Variants in AAGAB observed in about 807,000 individuals in gnomAD.
The protein encoded by AAGAB is alpha- and gamma-adaptin-binding protein p34.
In AAGAB, 38 loss-of-function variants were observed where a neutral mutation model predicts 44.1. That is an observed-to-expected ratio of 0.86 (90% confidence interval 0.67 to 1.13). The LOEUF (loss-of-function observed/expected upper bound fraction) is 1.13, where lower values mean the gene tolerates loss of function less well. AAGAB is among the 50% of genes most tolerant of loss of function. The pLI is 0.00. For synonymous variants in AAGAB, 131 were observed against 131.8 expected, an observed-to-expected ratio of 0.99 and a Z score of 0.04; for missense variants, 450 against 373.8, an observed-to-expected ratio of 1.20 and a Z score of -1.68.
At chr15:67,209,719 C>T (rs181794978) in intron 5 of AAGAB, among the ~76,000 whole-genome samples, 175 bp from the exon 6 acceptor site, 4 of 152,322 alleles carry the variant, frequency 2.6e-5, no homozygotes, top group Admixed American at 6.5e-5. Flanking sequence ...GTGGCACAAT[C>T]ACAGCTCAGT....
chr15:67,236,466 C>T lies in AAGAB; in HGVS notation c.303G>A (p.Leu101=), dbSNP rs1256714736. ...TCACCTCAGGTAACCATGCTTTTGC[C>T]AGTGGAAGCCATGAGGAGACACTAT... ...GLDSVSSWLP[L]AKAWLPEVMI... Residue 101 remains leucine, a synonymous_variant, in exon 3 of 10, where the codon CTG becomes CTA. Transcript: ENST00000261880. 1.2e-6 allele frequency: 2 copies of T among 1,613,882 alleles called. No homozygotes were observed. The highest frequency in any genetic ancestry group is 1.7e-6 in the Non-Finnish European group (2 of 1,179,976).
chr15:67,241,249 C>A (rs1184390464), intron 1 of AAGAB, among the ~76,000 whole-genome samples: 1 of 152,178 alleles, frequency 6.6e-6, no homozygotes, highest in Non-Finnish European at 1.5e-5. Flanking sequence ...TAGTAGTGCA[C>A]TTAACCAATC....
chr15:67,236,973 T>C (rs1964486195), intron 1 of AAGAB, among the ~76,000 whole-genome samples, 153 bp from the exon 2 acceptor site: 1 of 152,206 alleles, frequency 6.6e-6, no homozygotes, highest in East Asian at 1.9e-4. Flanking sequence ...TTTAATCCTA[T>C]ATTCTCTGAT....
At chr15:67,215,785 A>T in intron 5 of AAGAB, among the ~76,000 whole-genome samples, 1 of 152,246 alleles carries the variant, frequency 6.6e-6, no homozygotes. Context: ...ATTACAATCC[A>T]CTTCTTGGCA....
intron 5 of AAGAB, among the ~76,000 whole-genome samples, chr15:67,231,553 A>T (rs756683672): frequency 4.6e-5 from 7 of 152,318 alleles, no homozygotes; most frequent in Non-Finnish European, 1.0e-4. Context: ...TCTACGTCTT[A>T]TAATTTTGGA....
intron 5 of AAGAB, chr15:67,221,235 A>T (rs1435578257): frequency 2.0e-5 from 3 of 152,284 alleles, no homozygotes; most frequent in African/African-American, 7.2e-5. Flanking sequence ...GAAAGCTAGT[A>T]ACAAGGTAGA....
At chr15:67,229,100 C>T (rs145169708) in intron 5 of AAGAB, among the ~76,000 whole-genome samples, 2,122 of 152,136 alleles carry the variant, frequency 0.014, 44 homozygotes, top group African/African-American at 0.049. Flanking sequence ...CACAATTTAC[C>T]CATGTAACAA....
At chr15:67,251,713 G>C (rs1381356622) in intron 1 of AAGAB, among the ~76,000 whole-genome samples, 1 of 152,142 alleles carries the variant, frequency 6.6e-6, no homozygotes, top group African/African-American at 2.4e-5. Context: ...TTCCCAAAAA[G>C]GTAGATCCAA....
Position 67,246,368 on chromosome 15 carries a change from C to T in AAGAB, c.73+8191G>A, listed in dbSNP as rs369215929. On this transcript the variant is annotated intron_variant, in intron 1 of 9. Coordinates refer to ENST00000261880, the MANE Select transcript of AAGAB (RefSeq NM_024666.5). ...GATTGCACCACTGCACTCCAGCCTG[C>T]GTGACAGAGGAAGATCCTGTCTCAA... Among the ~76,000 whole-genome samples, 17 of 139,550 alleles carry T rather than the reference C, an allele frequency of 1.2e-4. No homozygotes were observed. In the East Asian group the frequency reaches 2.3e-3, roughly 19 times the overall value. 91.6% of individuals were successfully genotyped at this position (139,550 alleles called of 152,430 possible).
chr15:67,234,129 T>C (rs1404097978), intron 4 of AAGAB, among the ~76,000 whole-genome samples: 4 of 150,580 alleles, frequency 2.7e-5, no homozygotes, highest in African/African-American at 9.8e-5. Flanking sequence ...GGCGGGCGCC[T>C]GCAGTCCCAG....
intron 5 of AAGAB, among the ~76,000 whole-genome samples, chr15:67,224,658 G>A (rs1252020515): frequency 6.8e-6 from 1 of 146,168 alleles, no homozygotes; most frequent in Non-Finnish European, 1.5e-5. Context: ...TCAGCTCACT[G>A]CAGCCTCTGC....
In AAGAB at chr15:67,236,049, A is replaced by G. The variant is rs759134982; in HGVS notation, c.381T>C (p.Ala127=). The change falls in exon 4 of 10, where the codon GCT becomes GCC. Residue 127 remains alanine (A), a synonymous_variant. Transcript: ENST00000261880. ...AGCCATGTTTGATGCACCATTCTTG[A>G]GCTTTTTGTCGGTTTATACCTAAAA... ...VSEDGINRQK[A]QEWCIKHGFE... The G allele has an allele frequency of 1.2e-6, 2 of 1,612,964 alleles. No homozygotes were observed. The highest frequency in any genetic ancestry group is 1.7e-6 in the Non-Finnish European group (2 of 1,179,342).
chr15:67,214,789 C>T (rs560058314), intron 5 of AAGAB, among the ~76,000 whole-genome samples: 10 of 151,982 alleles, frequency 6.6e-5, no homozygotes, highest in Non-Finnish European at 1.5e-4. Flanking sequence ...TCCAGGCGTC[C>T]GCCACCGCGC....
chr15:67,249,809 C>G (rs888648906), intron 1 of AAGAB, among the ~76,000 whole-genome samples: 14 of 152,334 alleles, frequency 9.2e-5, no homozygotes, highest in African/African-American at 3.4e-4. Context: ...CTGGGCAAGT[C>G]ATTTAGTATT....
At chr15:67,239,413 A>C (rs534155490) in intron 1 of AAGAB, among the ~76,000 whole-genome samples, 2 of 152,352 alleles carry the variant, frequency 1.3e-5, no homozygotes, top group South Asian at 2.1e-4. Flanking sequence ...CAAATGATTA[A>C]GACATTTACT....
At chr15:67,250,719 A>T (rs939503361) in intron 1 of AAGAB, among the ~76,000 whole-genome samples, 1 of 152,078 alleles carries the variant, frequency 6.6e-6, no homozygotes, top group Non-Finnish European at 1.5e-5. Flanking sequence ...CTGAGGCTTC[A>T]TTTCCCTTTA....
intron 9 of AAGAB, 70 bp downstream of exon 9, chr15:67,203,478 G>C: frequency 7.7e-7 from 1 of 1,293,908 alleles, no homozygotes; most frequent in South Asian, 1.3e-5. Context: ...ACACAAGTGT[G>C]ATATATAATT....
intron 1 of AAGAB, among the ~76,000 whole-genome samples, chr15:67,249,458 G>T (rs1964809839): frequency 6.6e-6 from 1 of 152,112 alleles, no homozygotes; most frequent in Non-Finnish European, 1.5e-5. Context: ...TCACTCAATT[G>T]AGAAAATAAA....
At position 67,236,420 on chromosome 15, in the gene AAGAB, C is replaced by G. The variant is rs1964466415; in HGVS notation, c.349G>C (p.Val117Leu). 2 of 1,613,968 alleles carry G rather than the reference C, an allele frequency of 1.2e-6. No individual in the cohort carries two copies. The highest frequency in any genetic ancestry group is 2.2e-5 in the South Asian group (2 of 91,078). ...PEVMILVCDR[V>L]SEDGINRQKA... ...CCACAGGCCTTACCATCTTCAGACA[C>G]TCTATCGCAGACCAAGATCATCACC... The change falls in exon 3 of 10, where the codon GTG becomes CTG. Residue 117 changes from valine to leucine, a missense_variant. Coordinates refer to ENST00000261880, the MANE Select transcript of AAGAB (RefSeq NM_024666.5).
Sources: allele counts gnomAD v4.1 joint callset (sites outside exome capture counted in the v4.1 genomes callset), GRCh38; gene constraint gnomAD v4.1.1; transcripts MANE v1.5; gene names NCBI Gene and HGNC (gene_info 2026-07-23, HGNC 2026-07-21).